TMEM255B: variants seen among roughly 807,000 people sequenced by gnomAD.
TMEM255B encodes the protein family with sequence similarity 70, member B.
Under a neutral mutation model 34.5 loss-of-function variants are expected in TMEM255B, and 35 were observed. The observed-to-expected ratio is 1.01, with a 90% CI of 0.77 to 1.34. The LOEUF (loss-of-function observed/expected upper bound fraction) is 1.34, where lower values mean the gene tolerates loss of function less well. TMEM255B is among the 40% of genes most tolerant of loss of function. The pLI, the probability that TMEM255B is intolerant of heterozygous loss-of-function variation, is 0.00. For synonymous variants in TMEM255B, 206 were observed against 201.2 expected (o/e 1.02, Z -0.20); for missense variants, 432 against 433.2 (o/e 1.00, Z 0.02).
chr13:113,766,312 C>T (rs1298774150), intron 2 of TMEM255B, 55 bp downstream of exon 2: 4 of 1,609,796 alleles, frequency 2.5e-6, no homozygotes, highest in Non-Finnish European at 1.7e-6. Flanking sequence ...GTGTGTGGCT[C>T]TCTCAGGGTG....
At position 113,769,454 on chromosome 13, in the gene TMEM255B, G is replaced by A. The variant is rs2050443188; in HGVS notation, c.252+294G>A. 2.6e-6 allele frequency: 1 copy of A among 382,114 alleles called. No individual in the cohort carries two copies. The highest frequency in any genetic ancestry group is 4.9e-6 in the Non-Finnish European group (1 of 205,740). 23.7% of individuals were successfully genotyped at this position (382,114 alleles called of 1,614,324 possible). ...AGCTCAGAGAATGCATGAAGTTTGG[G>A]ACGGGGGTGGCAAATTAAATTAAGT... On this transcript the variant is annotated intron_variant, in intron 3 of 8. Transcript: ENST00000375353. This position sits in a 1 kb window ranked among gnomAD's most constrained non-coding sequence, Gnocchi z 4.2.
chr13:113,804,847 G>T, intron 7 of TMEM255B, 38 bp from the exon 8 acceptor site: 4 of 1,566,922 alleles, frequency 2.6e-6, no homozygotes, highest in African/African-American at 1.3e-5. Context: ...CCTCCACTAG[G>T]GGGTACACGC....
intron 8 of TMEM255B, among the ~76,000 whole-genome samples, chr13:113,807,841 C>G (rs540349455): frequency 6.8e-6 from 1 of 147,060 alleles, no homozygotes; most frequent in African/African-American, 2.5e-5. Flanking sequence ...GTGGTCCTCC[C>G]CGTCACACGC....
At chr13:113,760,680 T>C (rs2050289225) in intron 1 of TMEM255B, among the ~76,000 whole-genome samples, 1 of 102,608 alleles carries the variant, frequency 9.7e-6, no homozygotes, top group South Asian at 2.9e-4. Flanking sequence ...TGCTTTGGGG[T>C]ATCTGGGGGT....
At position 113,813,018 on chromosome 13, in the gene TMEM255B, T is replaced by TCCTGGGTGGGTCACGGGC. The variant is rs2051357933; in HGVS notation, c.*1117_*1118insTGGGTGGGTCACGGGCCC. 8.8e-6 allele frequency: 1 copy of TCCTGGGTGGGTCACGGGC among 113,324 alleles called. No individual in the cohort carries two copies. Among genetic ancestry groups the TCCTGGGTGGGTCACGGGC allele is most frequent in the African/African-American group, 5.3e-5 (1 of 18,868 alleles). The allele number at this position is 113,324 out of a possible 1,614,324, so 7.0% of individuals were successfully genotyped here. ...TCACGGGTCCCGAGTGGGTCACGGG[T>TCCTGGGTGGGTCACGGGC]CCCGGGTGGGTCACAGGCGCCCCAG... On this transcript the variant is annotated 3_prime_UTR_variant, in exon 9 of 9. Transcript: ENST00000375353.
chr13:113,804,602 C>T (rs112185133), intron 7 of TMEM255B, among the ~76,000 whole-genome samples: 43 of 151,702 alleles, frequency 2.8e-4, no homozygotes, highest in East Asian at 1.6e-3. Context: ...TATAAACGCA[C>T]GCCGGGCCGG....
chr13:113,808,796 G>GGC (rs1208588189), intron 8 of TMEM255B, among the ~76,000 whole-genome samples: 1 of 110,348 alleles, frequency 9.1e-6, no homozygotes, highest in African/African-American at 3.9e-5. Context: ...GGTTCCTGGG[G>GGC]GGGGGGTTAC....
At chr13:113,795,543 ACAC>A (rs1425810304) in intron 4 of TMEM255B, among the ~76,000 whole-genome samples, 1 of 148,894 alleles carries the variant, frequency 6.7e-6, no homozygotes, top group Non-Finnish European at 1.5e-5. Context: ...CACAGCACAC[ACAC>A]AACACAGCAC....
At chr13:113,765,396 T>C (rs1178382102) in intron 1 of TMEM255B, among the ~76,000 whole-genome samples, 1 of 152,236 alleles carries the variant, frequency 6.6e-6, no homozygotes, top group African/African-American at 2.4e-5. Context: ...GATGCGGACC[T>C]TCTAGGGTGT....
intron 3 of TMEM255B, among the ~76,000 whole-genome samples, chr13:113,773,206 G>A (rs1288539248): frequency 6.6e-6 from 1 of 152,042 alleles, no homozygotes. Context: ...ATTTTGAGTG[G>A]AATTGTTTTC....
intron 3 of TMEM255B, among the ~76,000 whole-genome samples, chr13:113,788,078 G>A (rs1468288836): frequency 1.3e-4 from 1 of 7,434 alleles, no homozygotes; most frequent in East Asian, 2.7e-3. Context: ...AGGCGGAGGG[G>A]GTGGGGATGG....
At chr13:113,766,307 T>C (rs775478337) in intron 2 of TMEM255B, 50 bp downstream of exon 2, 1 of 1,610,980 alleles carries the variant, frequency 6.2e-7, no homozygotes. Flanking sequence ...GGGTGGTGTG[T>C]GGCTCTCTCA....
At chr13:113,807,959 C>G (rs1422022010) in intron 8 of TMEM255B, among the ~76,000 whole-genome samples, 1 of 152,186 alleles carries the variant, frequency 6.6e-6, no homozygotes, top group Non-Finnish European at 1.5e-5. Flanking sequence ...GGATGTTCCC[C>G]TCTTCCTCTG....
intron 4 of TMEM255B, among the ~76,000 whole-genome samples, chr13:113,798,183 TGATG>T (rs528071599): frequency 1.7e-4 from 26 of 148,780 alleles, no homozygotes; most frequent in Non-Finnish European, 2.5e-4. Context: ...GAAGGATGGA[TGATG>T]GATGGATGGA....
intron 8 of TMEM255B, among the ~76,000 whole-genome samples, chr13:113,808,810 A>C (rs1371658909): frequency 4.0e-4 from 16 of 40,432 alleles, no homozygotes; most frequent in Non-Finnish European, 5.3e-4. Context: ...GGGTTACTCC[A>C]TGTTTCCTGG....
At chr13:113,761,719 C>T (rs907007151) in intron 1 of TMEM255B, among the ~76,000 whole-genome samples, 4 of 152,214 alleles carry the variant, frequency 2.6e-5, no homozygotes, top group Non-Finnish European at 5.9e-5. Flanking sequence ...CGTATCGTGT[C>T]TCACTGGACG....
intron 8 of TMEM255B, among the ~76,000 whole-genome samples, chr13:113,810,363 T>G (rs939169007): frequency 1.3e-5 from 2 of 152,168 alleles, no homozygotes; most frequent in Admixed American, 6.5e-5. Context: ...AGAAAAGAAT[T>G]AAGATGTGTG....
At chr13:113,799,463 C>A in intron 5 of TMEM255B, 44 bp downstream of exon 5, 1 of 1,580,900 alleles carries the variant, frequency 6.3e-7, no homozygotes, top group Non-Finnish European at 8.7e-7. Context: ...GCTCAGCTAA[C>A]CCCGCCGACC....
intron 3 of TMEM255B, among the ~76,000 whole-genome samples, chr13:113,787,050 C>G (rs1370183348): frequency 6.6e-6 from 1 of 152,206 alleles, no homozygotes; most frequent in Non-Finnish European, 1.5e-5. Flanking sequence ...TTCGTTGTTT[C>G]ATACCTGGAC....
Sources: allele counts gnomAD v4.1 joint callset (sites outside exome capture counted in the v4.1 genomes callset), GRCh38; gene constraint gnomAD v4.1.1; non-coding constraint Gnocchi (gnomAD v3.1); transcripts MANE v1.5; gene names NCBI Gene and HGNC (gene_info 2026-07-23, HGNC 2026-07-21).